ERAP1: variants seen among roughly 807,000 people sequenced by gnomAD.
ERAP1 encodes the protein endoplasmic reticulum aminopeptidase 1, also known as adipocyte-derived leucine aminopeptidase.
ERAP1 carries 86 observed loss-of-function variants against 103.7 expected under a neutral mutation model. The ratio of observed to expected loss-of-function variants is 0.83; its 90% CI spans 0.70 to 0.99. ERAP1 has a LOEUF of 0.99. ERAP1 is among the 50% of genes least tolerant of loss of function. ERAP1 has a pLI of 0.00. For synonymous variants in ERAP1, 398 were observed against 402.4 expected, an observed-to-expected ratio of 0.99 and a Z score of 0.13; for missense variants, 1,009 against 1,128.4, an observed-to-expected ratio of 0.89 and a Z score of 1.52.
At chr5:96,882,324 G>A in the ERAP1 span, among the ~76,000 whole-genome samples, 1 of 152,186 alleles carries the variant, frequency 6.6e-6, no homozygotes, top group Admixed American at 6.5e-5. Context: ...GAGAGGGGGA[G>A]ATATTTGGAG....
At chr5:96,797,150 C>T in intron 4 of ERAP1, 25 bp downstream of exon 4, 1 of 1,613,886 alleles carries the variant, frequency 6.2e-7, no homozygotes, top group South Asian at 1.1e-5. Context: ...AAGCTGGTCA[C>T]CATATGTGAC....
At chr5:96,915,880 G>A in the ERAP1 span, 2 of 971,472 alleles carry the variant, frequency 2.1e-6, no homozygotes, top group Non-Finnish European at 3.0e-6. Context: ...TTTTAAAAAA[G>A]TTGTTTGTCC....
chr5:96,794,982 T>G lies in ERAP1; in HGVS notation c.919+60A>C, dbSNP rs180939406. ...AACTACAGGGATGTGCCAATTATAA[T>G]GACAAATCTATGACTGTGTTCATCA... On this transcript the variant is annotated intron_variant, in intron 5 of 18. Coordinates refer to ENST00000443439, the MANE Select transcript of ERAP1 (RefSeq NM_001040458.3). 3.6e-5 allele frequency: 58 copies of G among 1,599,096 alleles called. No homozygotes were observed. In the East Asian group the frequency reaches 1.2e-3, roughly 34 times the overall value.
At chr5:96,790,425 C>A in intron 9 of ERAP1, 58 bp from the exon 10 acceptor site, 1 of 1,608,824 alleles carries the variant, frequency 6.2e-7, no homozygotes, top group Non-Finnish European at 8.5e-7. Context: ...TGATTCTCCT[C>A]AGAGGGATTA....
the ERAP1 span, among the ~76,000 whole-genome samples, chr5:96,819,147 A>G: frequency 6.6e-6 from 1 of 151,632 alleles, no homozygotes; most frequent in Admixed American, 6.6e-5. Context: ...GATGGTCTCA[A>G]TCTCTTGACC....
the ERAP1 span, among the ~76,000 whole-genome samples, chr5:96,901,130 G>A: frequency 6.6e-6 from 1 of 152,022 alleles, no homozygotes; most frequent in Non-Finnish European, 1.5e-5. Context: ...TATTTCCCTC[G>A]TAAACCACCC....
At chr5:96,835,816 G>A in the ERAP1 span, among the ~76,000 whole-genome samples, 1 of 152,124 alleles carries the variant, frequency 6.6e-6, no homozygotes, top group Non-Finnish European at 1.5e-5. Context: ...TCAAAAGGAG[G>A]GGTTGGACCT....
the ERAP1 span, among the ~76,000 whole-genome samples, chr5:96,826,432 A>AG: frequency 6.6e-6 from 1 of 152,218 alleles, no homozygotes; most frequent in African/African-American, 2.4e-5. Flanking sequence ...CCATTCCTTA[A>AG]GCTTTATTTT....
At chr5:96,815,841 C>A in the ERAP1 span, among the ~76,000 whole-genome samples, 10 of 151,968 alleles carry the variant, frequency 6.6e-5, no homozygotes, top group Non-Finnish European at 1.2e-4. Flanking sequence ...GATTCCTGAG[C>A]CACACTCTGA....
At chr5:96,864,942 A>G in the ERAP1 span, among the ~76,000 whole-genome samples, 1 of 152,208 alleles carries the variant, frequency 6.6e-6, no homozygotes, top group African/African-American at 2.4e-5. Context: ...ATGAGCTAAT[A>G]ATCTGAAAGA....
chr5:96,876,393 A>G, the ERAP1 span: 1 of 152,344 alleles, frequency 6.6e-6, no homozygotes, highest in Non-Finnish European at 1.5e-5. Flanking sequence ...CCTAAGCTCC[A>G]TTCACACCTG....
At chr5:96,917,462 G>A in the ERAP1 span, 1 of 1,606,960 alleles carries the variant, frequency 6.2e-7, no homozygotes, top group Non-Finnish European at 8.5e-7. Flanking sequence ...TATTTTACAG[G>A]TGAAACTATT....
chr5:96,867,901 T>C, the ERAP1 span, among the ~76,000 whole-genome samples: 7 of 152,046 alleles, frequency 4.6e-5, no homozygotes. Context: ...TGGTGAAACA[T>C]TGTCTCTACT....
At chr5:96,926,072 G>A in the ERAP1 span, among the ~76,000 whole-genome samples, 10 of 152,080 alleles carry the variant, frequency 6.6e-5, no homozygotes, top group African/African-American at 2.2e-4. Context: ...CACCACGCCC[G>A]ACTAATTTTT....
the ERAP1 span, among the ~76,000 whole-genome samples, chr5:96,829,065 C>G: frequency 6.6e-6 from 1 of 152,136 alleles, no homozygotes. Context: ...CCAGGATGGT[C>G]TCAATCTCCT....
At chr5:96,840,947 G>A in the ERAP1 span, among the ~76,000 whole-genome samples, 5 of 151,968 alleles carry the variant, frequency 3.3e-5, no homozygotes, top group Non-Finnish European at 5.9e-5. Flanking sequence ...CTCGTGATCC[G>A]CCTGCCTCAG....
At chr5:96,793,546 ACT>A in intron 6 of ERAP1, 33 bp from the exon 7 acceptor site, 3 of 1,491,458 alleles carry the variant, frequency 2.0e-6, no homozygotes, top group Non-Finnish European at 2.8e-6. Context: ...AAACAAAGAC[ACT>A]CAGAAAGAAG....
Position 96,774,718 on chromosome 5 carries a change from A to T in ERAP1, c.*1678T>A, listed in dbSNP as rs142703274. 2.1e-4 allele frequency: 202 copies of T among 976,212 alleles called. 1 individual carries two copies. In the African/African-American group the frequency reaches 3.0e-3, roughly 15 times the overall value. 60.5% of individuals were successfully genotyped at this position (976,212 alleles called of 1,614,324 possible). A position where few individuals can be genotyped will look rare whatever the true frequency, so the allele number is the denominator to read the frequency against. ...TGTATTTTTTTAAAAGAAGGGAAAT[A>T]GTTTAGTTTGGGGTGGAAATTACCA... On this transcript the variant is annotated 3_prime_UTR_variant, in exon 19 of 19. Transcript: ENST00000443439.
At chr5:96,895,357 T>A in the ERAP1 span, 1 of 1,593,994 alleles carries the variant, frequency 6.3e-7, no homozygotes, top group Admixed American at 1.7e-5. Context: ...AGAGCTGCAA[T>A]TTGTAAGTTC....
Sources: gnomAD v4.1 joint callset for allele counts (sites outside exome capture counted in the v4.1 genomes callset) on GRCh38, gnomAD v4.1.1 for gene constraint, MANE v1.5 for transcripts, NCBI Gene and HGNC (gene_info 2026-07-23, HGNC 2026-07-21) for gene names.